The following PCDHA9 variants were observed in gnomAD, a reference collection of about 807,000 sequenced individuals.
PCDHA9 encodes the protein protocadherin alpha-9.
In PCDHA9, 62 loss-of-function variants were observed where a neutral mutation model predicts 62.0. That is an observed-to-expected ratio of 1.00 (90% CI 0.81 to 1.23). The LOEUF is 1.23. PCDHA9 is among the 50% of genes most tolerant of loss of function. The probability of loss-of-function intolerance (pLI) is 0.00; values close to 1 mark genes in which losing one functional copy is unlikely to be tolerated. For synonymous variants in PCDHA9, 557 were observed against 567.6 expected (o/e 0.98, Z 0.27); for missense variants, 1,205 against 1,249.8 (o/e 0.96, Z 0.54).
At chr5:140,858,322 T>C in intron 1 of PCDHA9, 2 of 1,596,852 alleles carry the variant, frequency 1.3e-6, no homozygotes, top group South Asian at 2.2e-5. Flanking sequence ...GGGTGTGTTC[T>C]GGGGAGGGCC....
intron 1 of PCDHA9, chr5:140,876,947 A>C: frequency 6.2e-7 from 1 of 1,613,496 alleles, no homozygotes; most frequent in Non-Finnish European, 8.5e-7. Flanking sequence ...CTGGTGTCCT[A>C]CTCGCTGGTG....
intron 1 of PCDHA9, among the ~76,000 whole-genome samples, chr5:140,925,122 GA>G (rs1298426256): frequency 2.7e-5 from 4 of 150,724 alleles, no homozygotes; most frequent in Non-Finnish European, 4.4e-5. Flanking sequence ...AGGAAGGAAG[GA>G]AAAAAAATTT....
At chr5:140,863,300 C>G (rs1554158081) in intron 1 of PCDHA9, 16 of 1,463,970 alleles carry the variant, frequency 1.1e-5, no homozygotes, top group Non-Finnish European at 1.5e-5. Context: ...CTGATCATCG[C>G]CATCTGCGTG....
chr5:140,884,059 G>A, intron 1 of PCDHA9: 4 of 1,613,546 alleles, frequency 2.5e-6, no homozygotes, highest in Non-Finnish European at 3.4e-6. Context: ...TGCGCGCGGT[G>A]GACGCCGATT....
intron 1 of PCDHA9, chr5:140,883,589 G>C (rs782300348): frequency 6.2e-7 from 1 of 1,614,014 alleles, no homozygotes; most frequent in Non-Finnish European, 8.5e-7. Context: ...CACGGCCAGC[G>C]TGTCGGTGGG....
At chr5:140,895,435 C>T (rs2065005335) in intron 1 of PCDHA9, among the ~76,000 whole-genome samples, 2 of 152,134 alleles carry the variant, frequency 1.3e-5, no homozygotes, top group African/African-American at 4.8e-5. Context: ...CCTCCTGAGA[C>T]TCTTTTCATG....
At chr5:140,912,690 A>AG (rs2076029112) in intron 1 of PCDHA9, among the ~76,000 whole-genome samples, 1 of 152,192 alleles carries the variant, frequency 6.6e-6, no homozygotes, top group African/African-American at 2.4e-5. Flanking sequence ...TCCAGGTCTC[A>AG]GGGGGAATGC....
chr5:140,861,804 T>C (rs36095340), intron 1 of PCDHA9: 19,400 of 158,354 alleles, frequency 0.12, 1,289 homozygotes, highest in Middle Eastern at 0.19. Flanking sequence ...AGGTGTATTT[T>C]AAAAATTCTT....
intron 1 of PCDHA9, 99 bp from the exon 2 acceptor site, chr5:140,978,850 G>T: frequency 6.3e-7 from 1 of 1,577,084 alleles, no homozygotes; most frequent in Non-Finnish European, 8.6e-7. Flanking sequence ...TTTTTTAGAT[G>T]CCTGGAAATA....
chr5:141,003,352 C>T (rs747533399), intron 3 of PCDHA9, among the ~76,000 whole-genome samples: 38 of 152,318 alleles, frequency 2.5e-4, no homozygotes, highest in Non-Finnish European at 1.5e-4. Context: ...TGCTCTGTCA[C>T]CCAGGCTGGA....
At chr5:141,000,103 G>A (rs551643743) in intron 3 of PCDHA9, among the ~76,000 whole-genome samples, 15 of 152,186 alleles carry the variant, frequency 9.9e-5, no homozygotes, top group Admixed American at 5.2e-4. Context: ...GCTCAACTCC[G>A]TCTCTTCCCT....
intron 1 of PCDHA9, among the ~76,000 whole-genome samples, chr5:140,970,887 G>A (rs2096441583): frequency 6.6e-6 from 1 of 152,118 alleles, no homozygotes; most frequent in Non-Finnish European, 1.5e-5. Context: ...TTTTCTCATG[G>A]ACATTTCAGA....
intron 3 of PCDHA9, among the ~76,000 whole-genome samples, chr5:141,001,941 A>G (rs565358428): frequency 6.6e-6 from 1 of 151,874 alleles, no homozygotes; most frequent in Admixed American, 6.5e-5. Context: ...GTGAGCGGAA[A>G]TAAGGAGGAG....
intron 1 of PCDHA9, among the ~76,000 whole-genome samples, chr5:140,951,383 G>A (rs782698893): frequency 1.2e-4 from 19 of 152,064 alleles, no homozygotes; most frequent in Non-Finnish European, 2.6e-4. Flanking sequence ...CCAAGACTCG[G>A]TAATTTATAA....
rs1422050863 is a variant in PCDHA9 at position 140,908,165 on chromosome 5, G to A, written c.2394+57276G>A. ...GTATGTCCTAGGAAGGGGCTGTAGT[G>A]CTGCAGCTGTCCACTTTCAGGTGGT... On this transcript the variant is annotated intron_variant, in intron 1 of 3. Coordinates refer to ENST00000532602, the MANE Select transcript of PCDHA9 (RefSeq NM_031857.2). 2.6e-5 allele frequency among the ~76,000 whole-genome samples: 4 copies of A among 152,222 alleles called. 1 individual carries two copies. The highest frequency in any genetic ancestry group is 5.9e-5 in the Non-Finnish European group (4 of 68,046).
chr5:140,967,566 G>A, intron 1 of PCDHA9: 2 of 1,614,060 alleles, frequency 1.2e-6, no homozygotes, highest in South Asian at 2.2e-5. Context: ...GTCCAGCTAC[G>A]GGAGGACTCA....
chr5:140,917,948 A>AT (rs1443419626), intron 1 of PCDHA9, among the ~76,000 whole-genome samples: 16 of 151,986 alleles, frequency 1.1e-4, no homozygotes, highest in African/African-American at 3.9e-4. Flanking sequence ...TGGTAGTTTG[A>AT]TAGGAACATC....
intron 1 of PCDHA9, chr5:140,883,659 T>A (rs2059734857): frequency 6.2e-7 from 1 of 1,612,766 alleles, no homozygotes. Flanking sequence ...ACGGTGTTCG[T>A]GAAGGAAAAC....
intron 1 of PCDHA9, chr5:140,928,265 A>T (rs1208273188): frequency 4.3e-6 from 7 of 1,614,188 alleles, no homozygotes; most frequent in Non-Finnish European, 4.2e-6. Flanking sequence ...GCTGAAAACA[A>T]TGGCCCTGGG....
Sources: allele counts gnomAD v4.1 joint callset (sites outside exome capture counted in the v4.1 genomes callset), GRCh38; gene constraint gnomAD v4.1.1; transcripts MANE v1.5; gene names NCBI Gene and HGNC (gene_info 2026-07-23, HGNC 2026-07-21).